Variants in PTPRK observed in about 807,000 individuals in gnomAD.
The protein encoded by PTPRK is protein tyrosine phosphatase receptor type K, also known as receptor-type tyrosine-protein phosphatase kappa.
PTPRK carries 75 observed loss-of-function variants against 178.0 expected under a neutral mutation model. The ratio of observed to expected loss-of-function variants is 0.42; its 90% confidence interval spans 0.35 to 0.51. The LOEUF (loss-of-function observed/expected upper bound fraction) is 0.51, where lower values mean the gene tolerates loss of function less well. Among genes scored for constraint, PTPRK ranks in the 20% least tolerant of loss-of-function variants. PTPRK has a pLI of 0.02. For synonymous variants in PTPRK, 637 were observed against 620.6 expected (o/e 1.03, Z -0.39); for missense variants, 1,441 against 1,797.8 (o/e 0.80, Z 3.59).
At chr6:128,424,986 T>G (rs373088258) in intron 1 of PTPRK, among the ~76,000 whole-genome samples, 2 of 151,872 alleles carry the variant, frequency 1.3e-5, no homozygotes, top group Non-Finnish European at 2.9e-5. Flanking sequence ...GAATAGGTGG[T>G]GTTTGATTAC....
At chr6:128,028,015 CT>C (rs1298168886) in intron 13 of PTPRK, 1 of 152,184 alleles carries the variant, frequency 6.6e-6, no homozygotes, top group Non-Finnish European at 1.5e-5. Context: ...CTACCTGCAG[CT>C]TTTAAGGTGT....
intron 3 of PTPRK, among the ~76,000 whole-genome samples, chr6:128,301,218 C>A (rs577961987): frequency 2.4e-3 from 360 of 152,168 alleles, no homozygotes; most frequent in African/African-American, 8.3e-3. Flanking sequence ...AGCAATTTGT[C>A]CAACTGTAAA....
At chr6:128,094,361 G>T (rs1338810058) in intron 7 of PTPRK, among the ~76,000 whole-genome samples, 3 of 152,142 alleles carry the variant, frequency 2.0e-5, no homozygotes, top group Admixed American at 6.6e-5. Context: ...AGAGATTAGG[G>T]CTAAGTAAGG....
chr6:128,116,010 C>A (rs1791468879), intron 7 of PTPRK, among the ~76,000 whole-genome samples: 1 of 152,050 alleles, frequency 6.6e-6, no homozygotes, highest in African/African-American at 2.4e-5. Context: ...ACATTCCTCC[C>A]CAAAACTACT....
intron 1 of PTPRK, among the ~76,000 whole-genome samples, chr6:128,425,984 C>G (rs570553866): frequency 5.9e-5 from 9 of 152,280 alleles, no homozygotes; most frequent in African/African-American, 2.2e-4. Flanking sequence ...TGCTCAGAAT[C>G]TTTAATATGT....
intron 1 of PTPRK, among the ~76,000 whole-genome samples, chr6:128,405,381 G>A (rs1404405156): frequency 6.6e-6 from 1 of 151,996 alleles, no homozygotes; most frequent in African/African-American, 2.4e-5. Flanking sequence ...TAATAAACCA[G>A]GTGTTTTCCC....
intron 2 of PTPRK, among the ~76,000 whole-genome samples, chr6:128,364,725 A>G (rs1034544719): frequency 6.6e-6 from 1 of 152,070 alleles, no homozygotes; most frequent in African/African-American, 2.4e-5. Flanking sequence ...ATGATTTCAC[A>G]TATATAAACA....
chr6:128,454,627 A>G (rs1406738872), intron 1 of PTPRK, among the ~76,000 whole-genome samples: 1 of 152,118 alleles, frequency 6.6e-6, no homozygotes, highest in Non-Finnish European at 1.5e-5. Context: ...GAAACCCCAT[A>G]CCTGTCAGGA....
rs771248561 is a variant in PTPRK, at chr6:127,973,757, C to G, written c.4040G>C (p.Gly1347Ala). ...LGWASHREVP[G>A]SKRSFLKLIL... ...CAGTTTCAAGAATGACCTTTTGGAT[C>G]CAGGCACTTCTCGATGAGAAGCCCA... The change falls in exon 28 of 30, where the codon GGA (glycine) becomes GCA (alanine). Residue 1347 changes from glycine (G) to alanine (A), a missense_variant. Transcript: ENST00000368226. 3 of 1,613,892 alleles carry G rather than the reference C, an allele frequency of 1.9e-6. No homozygotes were observed. The highest frequency in any genetic ancestry group is 2.5e-6 in the Non-Finnish European group (3 of 1,179,934).
intron 8 of PTPRK, among the ~76,000 whole-genome samples, chr6:128,087,792 T>C (rs62427860): frequency 0.1 from 15,416 of 152,208 alleles, 1,093 homozygotes; most frequent in Non-Finnish European, 0.16. Context: ...CCATGTATAG[T>C]TTCCGAACTA....
chr6:128,117,304 A>C (rs1791700628), intron 7 of PTPRK, among the ~76,000 whole-genome samples: 1 of 151,530 alleles, frequency 6.6e-6, no homozygotes, highest in Non-Finnish European at 1.5e-5. Context: ...TGTAAAACCC[A>C]GTTTGAAAAG....
intron 3 of PTPRK, among the ~76,000 whole-genome samples, chr6:128,284,260 G>T (rs1448044159): frequency 6.6e-6 from 1 of 152,274 alleles, no homozygotes; most frequent in East Asian, 1.9e-4. Context: ...TGTCACCAGG[G>T]TAAGTACTAA....
At chr6:128,404,850 G>C (rs946774754) in intron 1 of PTPRK, among the ~76,000 whole-genome samples, 1 of 152,176 alleles carries the variant, frequency 6.6e-6, no homozygotes, top group Non-Finnish European at 1.5e-5. Context: ...ACCAGAGCCA[G>C]GGGCTGAACC....
At chr6:128,446,986 A>G (rs1847114531) in intron 1 of PTPRK, among the ~76,000 whole-genome samples, 1 of 152,210 alleles carries the variant, frequency 6.6e-6, no homozygotes, top group South Asian at 2.1e-4. Context: ...ATCATAATAA[A>G]GTGTAAGCTT....
intron 13 of PTPRK, chr6:128,063,461 G>A (rs1366490408): frequency 6.6e-6 from 1 of 152,158 alleles, no homozygotes; most frequent in Non-Finnish European, 1.5e-5. Context: ...AACATAGCAT[G>A]ACATATCTAA....
chr6:128,278,363 T>A lies in PTPRK; in HGVS notation c.496-35761A>T, dbSNP rs28694876. Among the ~76,000 whole-genome samples the A allele has an allele frequency of 1.6e-3, 240 of 152,094 alleles. 1 individual carries two copies. The highest frequency in any genetic ancestry group is 2.3e-3 in the African/African-American group (95 of 41,486). ...AGTAGAGACAGTGTTTCACTCTGTT[T>A]GCCAGACTGGTCTTGAAATCCCGAC... On this transcript the variant is annotated intron_variant, in intron 3 of 29. Transcript: ENST00000368226.
intron 7 of PTPRK, among the ~76,000 whole-genome samples, chr6:128,165,227 C>G (rs1799228899): frequency 6.6e-6 from 1 of 151,040 alleles, no homozygotes; most frequent in African/African-American, 2.4e-5. Flanking sequence ...TTCAGTTTTA[C>G]CTTAGTTTCC....
chr6:128,109,011 T>C lies in PTPRK; in HGVS notation c.1163-19019A>G, dbSNP rs146505239. ...CTCAATGGAGTAGAGGGCTTCAACA[T>C]ATGGATTTTGGGGGAACACAAACAT... On this transcript the variant is annotated intron_variant, in intron 7 of 29. Coordinates refer to ENST00000368226, the MANE Select transcript of PTPRK (RefSeq NM_002844.4). Among the ~76,000 whole-genome samples the C allele has an allele frequency of 1.4e-3, 217 of 152,246 alleles. 2 individuals carry two copies. The highest frequency in any genetic ancestry group is 4.7e-3 in the African/African-American group (197 of 41,538).
At chr6:128,116,098 T>C (rs1454297704) in intron 7 of PTPRK, among the ~76,000 whole-genome samples, 3 of 152,122 alleles carry the variant, frequency 2.0e-5, no homozygotes, top group Non-Finnish European at 4.4e-5. Context: ...CTTCTACTTC[T>C]GTTACACTTG....
Sources: allele counts gnomAD v4.1 joint callset (sites outside exome capture counted in the v4.1 genomes callset), GRCh38; gene constraint gnomAD v4.1.1; transcripts MANE v1.5; gene names NCBI Gene and HGNC (gene_info 2026-07-23, HGNC 2026-07-21).